The following TAF3 variants were observed in gnomAD, a reference collection of about 807,000 sequenced individuals.
TAF3 encodes the protein TATA-box binding protein associated factor 3.
A neutral mutation model predicts 80.6 loss-of-function variants in TAF3; 7 were observed. The observed-to-expected ratio is 0.09, with a 90% CI of 0.05 to 0.16. TAF3 has a LOEUF of 0.16. TAF3 is among the 10% of genes least tolerant of loss of function. The pLI, the probability that TAF3 is intolerant of heterozygous loss-of-function variation, is 1.00. For missense variants in TAF3, 921 were observed against 1,140.2 expected (o/e 0.81, Z 2.77); for synonymous variants, 444 against 446.1 (o/e 1.00, Z 0.06).
intron 2 of TAF3, among the ~76,000 whole-genome samples, chr10:7,855,909 C>CCCAT (rs1047904375): frequency 6.6e-6 from 1 of 150,654 alleles, no homozygotes; most frequent in Non-Finnish European, 1.5e-5. Context: ...ATAGCGAGAC[C>CCCAT]CCATTCTCCA....
intron 2 of TAF3, among the ~76,000 whole-genome samples, chr10:7,955,635 G>A (rs1012986484): frequency 3.3e-5 from 5 of 152,158 alleles, no homozygotes; most frequent in African/African-American, 1.2e-4. Context: ...AGATTATAGT[G>A]TTTCTTTAAA....
At chr10:7,862,272 G>GT (rs1837155843) in intron 2 of TAF3, among the ~76,000 whole-genome samples, 1 of 152,064 alleles carries the variant, frequency 6.6e-6, no homozygotes, top group African/African-American at 2.4e-5. Flanking sequence ...AAAGTTTTCT[G>GT]TTTTTTCACA....
rs535919067 is a variant in TAF3 at position 7,911,906 on chromosome 10, C to T, written c.410-52014C>T. Among the ~76,000 whole-genome samples the T allele has an allele frequency of 3.8e-3, 585 of 152,140 alleles. 1 individual carries two copies. The highest frequency in any genetic ancestry group is 0.013 in the African/African-American group (541 of 41,510). On this transcript the variant is annotated intron_variant, in intron 2 of 6. Transcript: ENST00000344293. ...ATGGGCCTAGCTTGCTTTACTCGTTCGCTTCATTTTTCTGGTTCCTAAAGG... is the reference window on the plus strand; with the variant it reads ...ATGGGCCTAGCTTGCTTTACTCGTTTGCTTCATTTTTCTGGTTCCTAAAGG...
chr10:7,822,803 A>G (rs1358834273), intron 1 of TAF3, among the ~76,000 whole-genome samples: 2 of 152,236 alleles, frequency 1.3e-5, no homozygotes, highest in African/African-American at 2.4e-5. Flanking sequence ...TGGAATTTTC[A>G]TAGACATTTT....
chr10:7,823,736 G>T (rs1166743210), intron 1 of TAF3, among the ~76,000 whole-genome samples: 4 of 151,214 alleles, frequency 2.6e-5, no homozygotes, highest in African/African-American at 9.7e-5. Context: ...CTGGGTTTGA[G>T]CAGTTCTCCT....
intron 2 of TAF3, among the ~76,000 whole-genome samples, chr10:7,897,239 G>A (rs1009653941): frequency 1.3e-5 from 2 of 152,166 alleles, no homozygotes; most frequent in African/African-American, 4.8e-5. Context: ...AAGAGGACGG[G>A]ATCACACTTA....
In TAF3 at chr10:7,961,042, C is replaced by T. The variant is rs144338291; in HGVS notation, c.410-2878C>T. On this transcript the variant is annotated intron_variant, in intron 2 of 6. Coordinates refer to ENST00000344293, the MANE Select transcript of TAF3 (RefSeq NM_031923.4). ...CAGATTTGCGTGTTCGGAAGATCACCGTAAGACGACGTGAGAGATGGTTCT... is the reference window on the plus strand; with the variant it reads ...CAGATTTGCGTGTTCGGAAGATCACTGTAAGACGACGTGAGAGATGGTTCT... 3.7e-3 allele frequency among the ~76,000 whole-genome samples: 570 copies of T among 152,240 alleles called. 4 individuals are homozygous for T. The highest frequency in any genetic ancestry group is 0.02 in the South Asian group (97 of 4,828).
chr10:7,898,920 C>T (rs575699036), intron 2 of TAF3, among the ~76,000 whole-genome samples: 8 of 152,088 alleles, frequency 5.3e-5, no homozygotes, highest in East Asian at 1.9e-4. Context: ...AAGTTTCATG[C>T]GTACTGTCAG....
intron 2 of TAF3, among the ~76,000 whole-genome samples, chr10:7,914,183 T>A (rs564966001): frequency 1.8e-4 from 28 of 152,366 alleles, no homozygotes; most frequent in African/African-American, 6.7e-4. Context: ...GCGATGTGGT[T>A]ATACATATTC....
intron 2 of TAF3, among the ~76,000 whole-genome samples, chr10:7,877,122 T>C (rs935203786): frequency 2.6e-5 from 4 of 152,198 alleles, no homozygotes; most frequent in Admixed American, 1.3e-4. Flanking sequence ...CTTTTTACTT[T>C]ATAACTTATC....
chr10:7,825,448 C>T (rs533268365), intron 2 of TAF3, among the ~76,000 whole-genome samples: 51 of 152,284 alleles, frequency 3.3e-4, no homozygotes, highest in African/African-American at 1.1e-3. Flanking sequence ...AACTTTTGTT[C>T]CCTCCCAAAT....
intron 2 of TAF3, among the ~76,000 whole-genome samples, chr10:7,958,788 A>G (rs1245167636): frequency 2.0e-5 from 3 of 152,170 alleles, no homozygotes; most frequent in African/African-American, 7.2e-5. Flanking sequence ...GATCATTTCT[A>G]ATTTTAAAAA....
rs367858877 is a variant in TAF3 at position 8,001,611 on chromosome 10, G to T, written c.2316-7467G>T. Among the ~76,000 whole-genome samples the T allele has an allele frequency of 7.6e-4, 115 of 152,068 alleles. 2 individuals are homozygous for T. The highest frequency in any genetic ancestry group is 2.5e-3 in the African/African-American group (105 of 41,472). On this transcript the variant is annotated intron_variant, in intron 4 of 6. Coordinates refer to ENST00000344293, the MANE Select transcript of TAF3 (RefSeq NM_031923.4). ...CAGTCAAATCAGCATTTCCCTTTAT[G>T]GTTTCAGCTTTTGGTGAGATACTAG...
chr10:7,996,968 A>G (rs1226989919), intron 4 of TAF3, among the ~76,000 whole-genome samples: 5 of 151,870 alleles, frequency 3.3e-5, no homozygotes, highest in Middle Eastern at 3.4e-3. Flanking sequence ...TGCTGGGATT[A>G]TAAGCATGAG....
At chr10:7,946,540 G>A (rs1029637131) in intron 2 of TAF3, among the ~76,000 whole-genome samples, 3 of 152,154 alleles carry the variant, frequency 2.0e-5, no homozygotes, top group African/African-American at 4.8e-5. Flanking sequence ...CCTGGGCGAC[G>A]TGGCCAAACC....
At chr10:7,959,138 T>TCA (rs113376582) in intron 2 of TAF3, among the ~76,000 whole-genome samples, 81 of 149,762 alleles carry the variant, frequency 5.4e-4, no homozygotes, top group African/African-American at 1.8e-3. Flanking sequence ...AGATTCTGTC[T>TCA]CACACACACA....
intron 2 of TAF3, among the ~76,000 whole-genome samples, chr10:7,923,833 T>A (rs894027354): frequency 2.0e-5 from 3 of 152,160 alleles, no homozygotes; most frequent in African/African-American, 7.2e-5. Context: ...AATTGACTTT[T>A]TAATACAGAA....
At chr10:7,955,010 G>T (rs1238985724) in intron 2 of TAF3, among the ~76,000 whole-genome samples, 1 of 151,794 alleles carries the variant, frequency 6.6e-6, no homozygotes, top group Non-Finnish European at 1.5e-5. Flanking sequence ...GTGAATGAAT[G>T]AATTAGTCCC....
intron 6 of TAF3, among the ~76,000 whole-genome samples, chr10:8,014,357 G>A (rs1025368521): frequency 2.6e-5 from 4 of 152,192 alleles, no homozygotes; most frequent in African/African-American, 7.2e-5. Flanking sequence ...TATGATAGAC[G>A]ATATCTGTGA....
Sources: allele counts gnomAD v4.1 joint callset (sites outside exome capture counted in the v4.1 genomes callset), GRCh38; gene constraint gnomAD v4.1.1; transcripts MANE v1.5; gene names NCBI Gene and HGNC (gene_info 2026-07-23, HGNC 2026-07-21).